The following ZNF727 variants were observed in gnomAD, a reference collection of about 807,000 sequenced individuals.
ZNF727 encodes the protein zinc finger protein 727.
ZNF727 carries 11 observed loss-of-function variants against 11.5 expected under a neutral mutation model. The ratio of observed to expected loss-of-function variants is 0.95; its 90% CI spans 0.60 to 1.58. The LOEUF is 1.58. ZNF727 is among the 40% of genes most tolerant of loss of function. The pLI is 0.00. For missense variants in ZNF727, 533 were observed against 581.7 expected (o/e 0.92, Z 0.86); for synonymous variants, 171 against 196.1 (o/e 0.87, Z 1.07).
chr7:64,066,340 C>A (rs10247457), intron 1 of ZNF727, among the ~76,000 whole-genome samples: 11,162 of 152,100 alleles, frequency 0.073, 595 homozygotes, highest in African/African-American at 0.14. Context: ...GTGCATATAG[C>A]CAACACAATC....
At chr7:64,073,515 C>T (rs1210456878) in intron 3 of ZNF727, among the ~76,000 whole-genome samples, 1 of 151,640 alleles carries the variant, frequency 6.6e-6, no homozygotes, top group Non-Finnish European at 1.5e-5. Flanking sequence ...ACATCTTTGT[C>T]GGATAATGCA....
At chr7:64,069,861 G>C (rs1372200815) in intron 3 of ZNF727, among the ~76,000 whole-genome samples, 1 of 151,652 alleles carries the variant, frequency 6.6e-6, no homozygotes, top group Non-Finnish European at 1.5e-5. Flanking sequence ...GTTTTTTGTG[G>C]GTTTTTTGAG....
intron 1 of ZNF727, among the ~76,000 whole-genome samples, chr7:64,054,187 G>GCA (rs1789647342): frequency 6.6e-6 from 1 of 152,148 alleles, no homozygotes; most frequent in South Asian, 2.1e-4. Flanking sequence ...TTCCCTCAAT[G>GCA]CACACACATG....
In ZNF727 at chr7:64,077,292, T is replaced by G. The variant is rs777812329; in HGVS notation, c.243T>G (p.Phe81Leu). 82 of 1,524,606 alleles carry G rather than the reference T, an allele frequency of 5.4e-5. No homozygotes were observed. Among genetic ancestry groups the G allele is most frequent in the Non-Finnish European group, 6.6e-5 (75 of 1,137,334 alleles). 94.4% of individuals were successfully genotyped at this position (1,524,606 alleles called of 1,614,324 possible). A position where few individuals can be genotyped will look rare whatever the true frequency, so the allele number is the denominator to read the frequency against. ...VAKHPAGSLHFTAEILLEHDI... is the reference protein window; with the variant it reads ...VAKHPAGSLHLTAEILLEHDI... ...TTTTTTCAGCTGGCTCTTTGCATTT[T>G]ACTGCAGAGATATTGCTGGAGCACG... The change falls in exon 4 of 4, where the codon TTT (phenylalanine) becomes TTG (leucine). Residue 81 changes from phenylalanine to leucine, a missense_variant. By Grantham distance (22) the Phe-to-Leu change is conservative. Around this residue, in one of 3 missense-constraint regions of ZNF727, gnomAD observed 463 missense variants for 494.5 expected, o/e 0.94. Transcript: ENST00000456806.
Position 64,082,067 on chromosome 7 carries a change from G to C in ZNF727, c.*3518G>C, listed in dbSNP as rs912739914. On this transcript the variant is annotated 3_prime_UTR_variant, in exon 4 of 4. Transcript: ENST00000456806. ...AGGATGGACTGGCCCTCTCTCCTTG[G>C]GTAAACTACAGCTCGTTTGAGGTGT... Among the ~76,000 whole-genome samples the C allele has an allele frequency of 6.6e-6, 1 of 152,078 alleles. No homozygotes were observed. Among genetic ancestry groups the C allele is most frequent in the Non-Finnish European group, 1.5e-5 (1 of 68,020 alleles).
chr7:64,058,553 A>T (rs1431255821), intron 1 of ZNF727, among the ~76,000 whole-genome samples: 2 of 152,070 alleles, frequency 1.3e-5, no homozygotes, highest in African/African-American at 2.4e-5. Flanking sequence ...TCACCTGATC[A>T]TAGTCTCTTC....
intron 1 of ZNF727, among the ~76,000 whole-genome samples, chr7:64,062,305 G>A (rs1789784235): frequency 6.6e-6 from 1 of 151,644 alleles, no homozygotes; most frequent in Non-Finnish European, 1.5e-5. Context: ...TTTTCTTATT[G>A]CTCATTAATG....
chr7:64,073,090 A>G (rs184124929), intron 3 of ZNF727, among the ~76,000 whole-genome samples: 13 of 152,138 alleles, frequency 8.5e-5, no homozygotes, highest in Non-Finnish European at 1.5e-4. Context: ...TATTTTTTAA[A>G]GTAAATTTCT....
chr7:64,059,284 T>C (rs1295657564), intron 1 of ZNF727, among the ~76,000 whole-genome samples: 3 of 152,128 alleles, frequency 2.0e-5, no homozygotes, highest in African/African-American at 4.8e-5. Context: ...AAATACACTC[T>C]TAGGTTGAAA....
intron 1 of ZNF727, 143 bp downstream of exon 1, chr7:64,045,767 C>T: frequency 9.2e-7 from 1 of 1,090,444 alleles, no homozygotes. Flanking sequence ...CCTCACTTCC[C>T]TCCGTCGCAG....
At chr7:64,068,193 A>G (rs10949870) in intron 1 of ZNF727, among the ~76,000 whole-genome samples, 104,968 of 151,692 alleles carry the variant, frequency 0.69, 36,473 homozygotes, top group Admixed American at 0.74. Context: ...GTTAATTATT[A>G]TACTCTTTAT....
intron 1 of ZNF727, among the ~76,000 whole-genome samples, chr7:64,052,433 CCTT>C (rs1438163935): frequency 7.0e-6 from 1 of 142,078 alleles, no homozygotes; most frequent in East Asian, 2.1e-4. Context: ...ATGACTTGCT[CCTT>C]CTTGCCTTCC....
intron 1 of ZNF727, among the ~76,000 whole-genome samples, chr7:64,046,764 A>G (rs1020928034): frequency 4.6e-5 from 7 of 152,226 alleles, no homozygotes; most frequent in African/African-American, 1.7e-4. Flanking sequence ...ACAAACAGCA[A>G]TTTATGAATC....
intron 1 of ZNF727, among the ~76,000 whole-genome samples, chr7:64,055,694 T>G (rs1789673860): frequency 6.6e-6 from 1 of 152,226 alleles, no homozygotes; most frequent in Non-Finnish European, 1.5e-5. Flanking sequence ...GTGTCAAATT[T>G]ATTTTCCCCT....
chr7:64,055,539 TG>T (rs1236996235), intron 1 of ZNF727, among the ~76,000 whole-genome samples: 7 of 152,350 alleles, frequency 4.6e-5, no homozygotes, highest in African/African-American at 1.4e-4. Context: ...TATTTCCCAT[TG>T]TCCACTGTCT....
chr7:64,052,178 G>C (rs532905775), intron 1 of ZNF727, among the ~76,000 whole-genome samples: 14 of 152,140 alleles, frequency 9.2e-5, no homozygotes, highest in East Asian at 5.8e-4. Context: ...CCAAGAGTTG[G>C]TGATTATAGT....
chr7:64,053,540 C>G (rs1394433298), intron 1 of ZNF727, among the ~76,000 whole-genome samples: 1 of 152,070 alleles, frequency 6.6e-6, no homozygotes, highest in Non-Finnish European at 1.5e-5. Flanking sequence ...AGGCTGGTCT[C>G]AAACTCCTGA....
chr7:64,079,457 A>T lies in ZNF727; in HGVS notation c.*908A>T, dbSNP rs570272489. On this transcript the variant is annotated 3_prime_UTR_variant, in exon 4 of 4. Transcript: ENST00000456806. ...ATGTAATGCCATTTTTTGTCTTTTT[A>T]AAAAAATCTGTTGATTTAAAGTCTG... Among the ~76,000 whole-genome samples the T allele has an allele frequency of 1.8e-4, 27 of 152,200 alleles. No homozygotes were observed. The highest frequency in any genetic ancestry group is 5.5e-4 in the African/African-American group (23 of 41,532).
intron 1 of ZNF727, among the ~76,000 whole-genome samples, chr7:64,047,713 C>A (rs1433856784): frequency 6.6e-6 from 1 of 150,996 alleles, no homozygotes; most frequent in Non-Finnish European, 1.5e-5. Flanking sequence ...CCTGATACAC[C>A]CTTCCTCTAA....
Sources: allele counts gnomAD v4.1 joint callset (sites outside exome capture counted in the v4.1 genomes callset), GRCh38; gene constraint gnomAD v4.1.1; regional missense constraint gnomAD v4.1.1; transcripts MANE v1.5; gene names NCBI Gene and HGNC (gene_info 2026-07-23, HGNC 2026-07-21).